Variants in XYLB observed in about 807,000 individuals in gnomAD.
XYLB encodes the protein xylulokinase.
A neutral mutation model predicts 78.7 loss-of-function variants in XYLB; 62 were observed. That is an observed-to-expected ratio of 0.79 (90% CI 0.64 to 0.97). The LOEUF (loss-of-function observed/expected upper bound fraction) is 0.97. Ranked by LOEUF, XYLB falls within the 50% of genes least tolerant of loss-of-function variation. The probability of loss-of-function intolerance (pLI) is 0.00; values close to 1 mark genes in which losing one functional copy is unlikely to be tolerated. For missense variants in XYLB, 687 were observed against 676.8 expected (o/e 1.02, Z -0.17); for synonymous variants, 245 against 247.4 (o/e 0.99, Z 0.09).
intron 17 of XYLB, among the ~76,000 whole-genome samples, chr3:38,399,766 C>G (rs923135024): frequency 6.6e-6 from 1 of 152,166 alleles, no homozygotes; most frequent in Admixed American, 6.5e-5. Context: ...GGCCACTGCC[C>G]TGCTCTGCCC....
chr3:38,394,970 G>A (rs966781358), intron 15 of XYLB, among the ~76,000 whole-genome samples: 4 of 152,210 alleles, frequency 2.6e-5, no homozygotes, highest in Non-Finnish European at 5.9e-5. Context: ...CTGTGTCAGA[G>A]CGAGATGGAA....
chr3:38,423,440 G>A (rs184962305), downstream of XYLB, among the ~76,000 whole-genome samples: 3 of 152,300 alleles, frequency 2.0e-5, no homozygotes, highest in Non-Finnish European at 4.4e-5. Flanking sequence ...CATTAATTCG[G>A]TTAGACAACC....
At chr3:38,383,179 G>A (rs1347126513) in intron 15 of XYLB, among the ~76,000 whole-genome samples, 3 of 152,208 alleles carry the variant, frequency 2.0e-5, no homozygotes, top group Non-Finnish European at 4.4e-5. Context: ...GCTGAAGTAG[G>A]TACTGATATG....
chr3:38,397,959 C>T (rs1265598907), intron 17 of XYLB, among the ~76,000 whole-genome samples: 2 of 151,160 alleles, frequency 1.3e-5, no homozygotes, highest in East Asian at 4.0e-4. Flanking sequence ...GGTGGGACTA[C>T]AGGTGCCTGC....
intron 4 of XYLB, 30 bp from the exon 5 acceptor site, chr3:38,365,169 A>T (rs1157123879): frequency 6.2e-7 from 1 of 1,610,228 alleles, no homozygotes; most frequent in Non-Finnish European, 8.5e-7. Context: ...GTGTGTGGTC[A>T]TGTGACCATG....
chr3:38,370,086 A>G lies in XYLB; in HGVS notation c.677A>G (p.Asp226Gly), dbSNP rs780072562. ...GGAATGAATTTGTTGCAGATACAGGATAAAGTCTGGTCCCAGGCTTGCCTT... is the reference window on the plus strand; with the variant it reads ...GGAATGAATTTGTTGCAGATACAGGGTAAAGTCTGGTCCCAGGCTTGCCTT... ...GSGMNLLQIQDKVWSQACLGA... is the reference protein window; with the variant it reads ...GSGMNLLQIQGKVWSQACLGA... The change falls in exon 9 of 19, where the codon GAT (aspartate) becomes GGT (glycine). Residue 226 changes from aspartate (D) to glycine (G), a missense_variant. Coordinates refer to ENST00000207870, the MANE Select transcript of XYLB (RefSeq NM_005108.4). 3 of 1,614,160 alleles carry G rather than the reference A, an allele frequency of 1.9e-6. No homozygotes were observed. Among genetic ancestry groups the G allele is most frequent in the Non-Finnish European group, 2.5e-6 (3 of 1,180,038 alleles).
the XYLB span, among the ~76,000 whole-genome samples, chr3:38,449,791 C>A: frequency 3.0e-3 from 464 of 152,194 alleles, 2 homozygotes; most frequent in African/African-American, 0.01. Flanking sequence ...ATATGTATCA[C>A]GAGAAAGATA....
At chr3:38,446,374 T>C in the XYLB span, among the ~76,000 whole-genome samples, 4 of 152,178 alleles carry the variant, frequency 2.6e-5, no homozygotes, top group Non-Finnish European at 5.9e-5. Flanking sequence ...AGAGCACTGA[T>C]TGGTACATTT....
At chr3:38,440,417 C>T in the XYLB span, among the ~76,000 whole-genome samples, 8,719 of 152,294 alleles carry the variant, frequency 0.057, 424 homozygotes, top group East Asian at 0.19. Flanking sequence ...TATTAAGCAA[C>T]TTTCCTAACT....
At chr3:38,378,814 TCA>T (rs1208302567) in intron 14 of XYLB, among the ~76,000 whole-genome samples, 4 of 148,866 alleles carry the variant, frequency 2.7e-5, no homozygotes, top group African/African-American at 1.0e-4. Context: ...CTCGTGGCTC[TCA>T]CTTATCTAGT....
intron 18 of XYLB, among the ~76,000 whole-genome samples, chr3:38,402,535 C>T (rs893076498): frequency 2.0e-5 from 3 of 152,144 alleles, no homozygotes; most frequent in East Asian, 1.9e-4. Context: ...AGAGGCCACT[C>T]GATACACTGG....
the XYLB span, among the ~76,000 whole-genome samples, chr3:38,440,562 A>G: frequency 6.6e-6 from 1 of 152,140 alleles, no homozygotes; most frequent in Admixed American, 6.5e-5. Context: ...TTTGTGTGGT[A>G]ATTAATTAAG....
intron 1 of XYLB, among the ~76,000 whole-genome samples, chr3:38,348,240 A>T (rs903619432): frequency 6.6e-6 from 1 of 152,200 alleles, no homozygotes; most frequent in Non-Finnish European, 1.5e-5. Context: ...TGTCAGGTGC[A>T]CGAACCAACT....
intron 4 of XYLB, among the ~76,000 whole-genome samples, chr3:38,363,695 C>G (rs1291913324): frequency 6.6e-6 from 1 of 152,186 alleles, no homozygotes; most frequent in African/African-American, 2.4e-5. Flanking sequence ...ACAGTGCCTC[C>G]TATTAATACG....
At chr3:38,382,621 C>A (rs1282084254) in intron 15 of XYLB, among the ~76,000 whole-genome samples, 1 of 152,110 alleles carries the variant, frequency 6.6e-6, no homozygotes, top group Non-Finnish European at 1.5e-5. Flanking sequence ...TTCCAAGTTC[C>A]CTGAAAATGA....
chr3:38,439,464 A>G, the XYLB span, among the ~76,000 whole-genome samples: 1 of 152,324 alleles, frequency 6.6e-6, no homozygotes, highest in Admixed American at 6.5e-5. Flanking sequence ...AGAGGTTGGT[A>G]TAAGAGTTTG....
intron 18 of XYLB, among the ~76,000 whole-genome samples, chr3:38,403,834 T>C (rs1708211617): frequency 6.6e-6 from 1 of 152,112 alleles, no homozygotes; most frequent in Admixed American, 6.5e-5. Flanking sequence ...CTCCCTGGCC[T>C]GCCCATGGCC....
intron 15 of XYLB, among the ~76,000 whole-genome samples, chr3:38,385,506 T>G (rs1707344599): frequency 6.6e-6 from 1 of 152,248 alleles, no homozygotes; most frequent in South Asian, 2.1e-4. Context: ...GTTGAAATTT[T>G]AGCTCATTTA....
At chr3:38,399,937 G>T (rs1330670541) in intron 17 of XYLB, among the ~76,000 whole-genome samples, 1 of 152,134 alleles carries the variant, frequency 6.6e-6, no homozygotes, top group Non-Finnish European at 1.5e-5. Context: ...AGAGTCTTTT[G>T]ATTAGTTTCT....
Sources: gnomAD v4.1 joint callset for allele counts (sites outside exome capture counted in the v4.1 genomes callset) on GRCh38, gnomAD v4.1.1 for gene constraint, MANE v1.5 for transcripts, NCBI Gene and HGNC (gene_info 2026-07-23, HGNC 2026-07-21) for gene names.